Variants in LRFN5 observed in about 807,000 individuals in gnomAD.
LRFN5 encodes the protein leucine-rich repeat and fibronectin type-III domain-containing protein 5.
In LRFN5, 24 loss-of-function variants were observed where a neutral mutation model predicts 45.6. That is an observed-to-expected ratio of 0.53 (90% confidence interval 0.38 to 0.74). The LOEUF (loss-of-function observed/expected upper bound fraction) is 0.74, where lower values mean the gene tolerates loss of function less well. LRFN5 is among the 30% of genes least tolerant of loss of function. LRFN5 has a pLI of 0.00. For missense variants in LRFN5, 776 were observed against 861.5 expected, an observed-to-expected ratio of 0.90 and a Z score of 1.24; for synonymous variants, 340 against 313.8, an observed-to-expected ratio of 1.08 and a Z score of -0.88.
intron 3 of LRFN5, among the ~76,000 whole-genome samples, chr14:41,889,940 T>G (rs772593589): frequency 6.6e-6 from 1 of 152,138 alleles, no homozygotes; most frequent in African/African-American, 2.4e-5. Flanking sequence ...CTCGGCTCAC[T>G]GCAACCTCTG....
chr14:41,864,364 C>T (rs1252406676), intron 2 of LRFN5, among the ~76,000 whole-genome samples: 1 of 152,206 alleles, frequency 6.6e-6, no homozygotes, highest in Non-Finnish European at 1.5e-5. Flanking sequence ...GATTGCCATT[C>T]TAACTGGCGT....
chr14:41,875,951 C>A (rs1264487182), intron 2 of LRFN5, among the ~76,000 whole-genome samples: 1 of 152,144 alleles, frequency 6.6e-6, no homozygotes, highest in Non-Finnish European at 1.5e-5. Context: ...TCACAAATTG[C>A]TCATGAGGAA....
intron 1 of LRFN5, among the ~76,000 whole-genome samples, chr14:41,673,293 C>G (rs972245791): frequency 2.0e-5 from 3 of 151,328 alleles, no homozygotes; most frequent in African/African-American, 4.8e-5. Flanking sequence ...TAGGGGCAGC[C>G]GGGCAGAGGC....
chr14:41,879,636 C>T (rs1418352627), intron 2 of LRFN5, among the ~76,000 whole-genome samples: 2 of 150,772 alleles, frequency 1.3e-5, no homozygotes, highest in African/African-American at 2.4e-5. Flanking sequence ...TAGATCTCCA[C>T]CTTGATCTGG....
chr14:41,824,289 C>G (rs984127746), intron 2 of LRFN5, among the ~76,000 whole-genome samples: 29 of 152,192 alleles, frequency 1.9e-4, no homozygotes, highest in Admixed American at 1.8e-3. Flanking sequence ...TCTGGAGAAG[C>G]TATCACTTGT....
intron 1 of LRFN5, among the ~76,000 whole-genome samples, chr14:41,662,606 T>C (rs1037089350): frequency 1.3e-5 from 2 of 151,948 alleles, no homozygotes; most frequent in African/African-American, 4.8e-5. Context: ...CAAGCATCTA[T>C]TGTGGGCCTG....
chr14:41,769,934 A>G (rs747688874), intron 2 of LRFN5, among the ~76,000 whole-genome samples: 42 of 152,182 alleles, frequency 2.8e-4, no homozygotes, highest in Non-Finnish European at 5.6e-4. Flanking sequence ...ACCCAAGGCT[A>G]GGTAATTTAG....
intron 1 of LRFN5, among the ~76,000 whole-genome samples, chr14:41,744,015 C>T (rs1263272235): frequency 6.6e-6 from 1 of 151,992 alleles, no homozygotes; most frequent in Non-Finnish European, 1.5e-5. Context: ...TAAATTCAAT[C>T]ATTTGGTAAC....
chr14:41,698,815 G>T (rs1160973663), intron 1 of LRFN5, among the ~76,000 whole-genome samples: 3 of 152,008 alleles, frequency 2.0e-5, no homozygotes, highest in Admixed American at 1.3e-4. Context: ...TCTATGGATT[G>T]TAATTTAGGA....
At chr14:41,675,070 C>T (rs540143327) in intron 1 of LRFN5, among the ~76,000 whole-genome samples, 2 of 152,164 alleles carry the variant, frequency 1.3e-5, no homozygotes, top group African/African-American at 2.4e-5. Context: ...GCGCTCCTCA[C>T]TTCCTAGATG....
chr14:41,713,186 A>G (rs1483697692), intron 1 of LRFN5, among the ~76,000 whole-genome samples: 1 of 152,144 alleles, frequency 6.6e-6, no homozygotes, highest in African/African-American at 2.4e-5. Flanking sequence ...TTTGAAAATG[A>G]CTACAGTAAT....
chr14:41,883,092 C>A (rs1390826665), intron 2 of LRFN5, among the ~76,000 whole-genome samples: 1 of 148,286 alleles, frequency 6.7e-6, no homozygotes, highest in Non-Finnish European at 1.5e-5. Flanking sequence ...CGTAATCTGT[C>A]CCCCCGACCC....
intron 1 of LRFN5, among the ~76,000 whole-genome samples, chr14:41,747,191 C>A (rs112157114): frequency 0.011 from 1,620 of 151,984 alleles, 25 homozygotes; most frequent in African/African-American, 0.037. Flanking sequence ...TTTAAAAATT[C>A]TAAAACACAT....
At chr14:41,706,158 T>A (rs1203747836) in intron 1 of LRFN5, among the ~76,000 whole-genome samples, 1 of 152,070 alleles carries the variant, frequency 6.6e-6, no homozygotes, top group Non-Finnish European at 1.5e-5. Flanking sequence ...TGGAGTGCAA[T>A]GGTGCGATCT....
At chr14:41,715,267 G>A (rs1375621360) in intron 1 of LRFN5, among the ~76,000 whole-genome samples, 1 of 152,066 alleles carries the variant, frequency 6.6e-6, no homozygotes, top group African/African-American at 2.4e-5. Context: ...CACTTCTTTG[G>A]CATTATTTTA....
intron 1 of LRFN5, among the ~76,000 whole-genome samples, chr14:41,657,503 G>A (rs1345959906): frequency 6.6e-6 from 1 of 151,900 alleles, no homozygotes; most frequent in Non-Finnish European, 1.5e-5. Context: ...TAGTCTCTAC[G>A]AAAATAGTTA....
At chr14:41,652,595 A>C (rs578198949) in intron 1 of LRFN5, among the ~76,000 whole-genome samples, 47 of 151,910 alleles carry the variant, frequency 3.1e-4, no homozygotes, top group Non-Finnish European at 6.3e-4. Flanking sequence ...GCTGGTTTCT[A>C]CTAGGACCAG....
intron 1 of LRFN5, among the ~76,000 whole-genome samples, chr14:41,732,704 A>C (rs1884231897): frequency 6.6e-6 from 1 of 152,022 alleles, no homozygotes; most frequent in Non-Finnish European, 1.5e-5. Context: ...ATGTATAAAC[A>C]TACAAGGAAA....
intron 2 of LRFN5, among the ~76,000 whole-genome samples, chr14:41,807,588 G>A (rs1454570927): frequency 2.0e-5 from 3 of 152,116 alleles, no homozygotes; most frequent in Non-Finnish European, 4.4e-5. Flanking sequence ...TTTGCAAGAA[G>A]ATCCTGAGCA....
Sources: gnomAD v4.1 joint callset for allele counts (sites outside exome capture counted in the v4.1 genomes callset) on GRCh38, gnomAD v4.1.1 for gene constraint, MANE v1.5 for transcripts, NCBI Gene and HGNC (gene_info 2026-07-23, HGNC 2026-07-21) for gene names.